Variants in SCRN1 observed in about 807,000 individuals in gnomAD.
SCRN1 encodes secernin 1.
SCRN1 carries 19 observed loss-of-function variants against 43.3 expected under a neutral mutation model. That is an observed-to-expected ratio of 0.44 (90% CI 0.31 to 0.64). The LOEUF (loss-of-function observed/expected upper bound fraction) is 0.64, where lower values mean the gene tolerates loss of function less well. SCRN1 is among the 30% of genes least tolerant of loss of function. SCRN1 has a pLI of 0.09. For synonymous variants in SCRN1, 183 were observed against 188.9 expected, an observed-to-expected ratio of 0.97 and a Z score of 0.26; for missense variants, 447 against 524.1, an observed-to-expected ratio of 0.85 and a Z score of 1.44.
intron 1 of SCRN1, among the ~76,000 whole-genome samples, chr7:29,983,077 T>A (rs1208370320): frequency 6.6e-6 from 1 of 151,988 alleles, no homozygotes; most frequent in Non-Finnish European, 1.5e-5. Flanking sequence ...GACCTCGTGA[T>A]CCGCCCACCT....
At chr7:29,943,476 A>G (rs755802618) in intron 4 of SCRN1, among the ~76,000 whole-genome samples, 1 of 152,140 alleles carries the variant, frequency 6.6e-6, no homozygotes, top group Non-Finnish European at 1.5e-5. Flanking sequence ...TTCTAGAAAC[A>G]CTGTCTCACT....
At chr7:29,974,685 C>T (rs57858543) in intron 1 of SCRN1, among the ~76,000 whole-genome samples, 19,305 of 133,718 alleles carry the variant, frequency 0.14, 1,585 homozygotes, top group African/African-American at 0.19. Flanking sequence ...TTCTTTCTTT[C>T]TTTTTTTTTT....
chr7:29,956,328 A>G (rs1337932599), intron 2 of SCRN1, among the ~76,000 whole-genome samples: 2 of 152,066 alleles, frequency 1.3e-5, no homozygotes, highest in Non-Finnish European at 2.9e-5. Context: ...TAGCTTCCCC[A>G]TGGGGGCCTC....
chr7:29,961,671 C>T (rs898110711), intron 2 of SCRN1, among the ~76,000 whole-genome samples: 7 of 151,914 alleles, frequency 4.6e-5, no homozygotes, highest in Admixed American at 2.0e-4. Flanking sequence ...CCTCACCTCC[C>T]GGACGGGGCG....
intron 3 of SCRN1, among the ~76,000 whole-genome samples, chr7:29,953,779 C>T (rs752892765): frequency 7.2e-5 from 11 of 152,072 alleles, no homozygotes; most frequent in Non-Finnish European, 1.3e-4. Context: ...AGTGAGTTCC[C>T]GAGACCACTG....
intron 3 of SCRN1, among the ~76,000 whole-genome samples, chr7:29,951,846 T>A (rs1305694192): frequency 6.6e-6 from 1 of 152,258 alleles, no homozygotes; most frequent in Non-Finnish European, 1.5e-5. Flanking sequence ...CATTCCCTTA[T>A]GTCTCTTTGA....
rs546108939 is a variant in SCRN1 at position 29,960,007 on chromosome 7, A to G, written c.160-4647T>C. Among the ~76,000 whole-genome samples, 19 of 88,960 alleles carry G rather than the reference A, an allele frequency of 2.1e-4. No homozygotes were observed. In the South Asian group the frequency reaches 3.8e-3, roughly 18 times the overall value. 58.4% of individuals were successfully genotyped at this position (88,960 alleles called of 152,430 possible). ...AAGAAAGGAAGGAAAGGAAGGAAGG[A>G]AGGGAGGGAGGGAGGGAGGGAGGGA... On this transcript the variant is annotated intron_variant, in intron 2 of 7. Transcript: ENST00000242059.
chr7:29,968,085 T>G (rs1326769942), intron 2 of SCRN1, among the ~76,000 whole-genome samples: 3 of 152,248 alleles, frequency 2.0e-5, no homozygotes, highest in Non-Finnish European at 4.4e-5. Flanking sequence ...ATAGTATTTT[T>G]AAAAGATTTG....
chr7:29,957,947 A>T (rs1257693981), intron 2 of SCRN1, among the ~76,000 whole-genome samples: 2 of 152,194 alleles, frequency 1.3e-5, no homozygotes, highest in Non-Finnish European at 2.9e-5. Flanking sequence ...AAATGTTGAC[A>T]ATTGAATCAA....
At chr7:29,952,166 G>A (rs184157180) in intron 3 of SCRN1, among the ~76,000 whole-genome samples, 107 of 152,354 alleles carry the variant, frequency 7.0e-4, no homozygotes, top group Middle Eastern at 3.4e-3. Context: ...CACCGTAACC[G>A]TGCATCAGCA....
In SCRN1 at chr7:29,927,087, T is replaced by C. The variant is rs573680469; in HGVS notation, c.906-455A>G. Among the ~76,000 whole-genome samples, 15 of 152,038 alleles carry C rather than the reference T, an allele frequency of 9.9e-5. No homozygotes were observed. In the East Asian group the frequency reaches 2.7e-3, roughly 28 times the overall value. The stretch of plus-strand genomic sequence containing the variant: ...TGTTTTTAGTTTTTTTCTGAGGTTC[T>C]ACCTTACTGAAAAATCTATGGAATA... On this transcript the variant is annotated intron_variant, in intron 6 of 7. Coordinates refer to ENST00000242059, the MANE Select transcript of SCRN1 (RefSeq NM_014766.5).
rs565837965 is a variant in SCRN1, at chr7:29,938,692, C to T, written c.740-1971G>A. Among the ~76,000 whole-genome samples the T allele has an allele frequency of 5.3e-5, 8 of 152,358 alleles. No homozygotes were observed. In the East Asian group the frequency reaches 1.3e-3, roughly 26 times the overall value. ...AGCCAGACCCATCCCTTTATTTCGG[C>T]CCATCCCTTTGTTTCCCATAAGGAA... On this transcript the variant is annotated intron_variant, in intron 5 of 7. Transcript: ENST00000242059.
At chr7:29,972,501 G>T (rs1333417646) in intron 1 of SCRN1, among the ~76,000 whole-genome samples, 1 of 152,246 alleles carries the variant, frequency 6.6e-6, no homozygotes, top group African/African-American at 2.4e-5. Context: ...TGATCATGAT[G>T]AGGATATAGG....
chr7:29,958,027 G>A (rs369079725), intron 2 of SCRN1, among the ~76,000 whole-genome samples: 1 of 152,144 alleles, frequency 6.6e-6, no homozygotes, highest in Non-Finnish European at 1.5e-5. Flanking sequence ...GGCCAAACTC[G>A]GAATGGTGAG....
At chr7:29,981,919 G>A (rs977824473) in intron 1 of SCRN1, among the ~76,000 whole-genome samples, 1 of 152,184 alleles carries the variant, frequency 6.6e-6, no homozygotes, top group African/African-American at 2.4e-5. Flanking sequence ...ATTGTGGGTA[G>A]GTATGGGAGT....
intron 1 of SCRN1, among the ~76,000 whole-genome samples, chr7:29,973,722 GA>G (rs1218382846): frequency 9.8e-5 from 15 of 152,316 alleles, no homozygotes; most frequent in Admixed American, 9.8e-4. Flanking sequence ...TGATAGGAAG[GA>G]AACCACAAAG....
chr7:29,939,585 T>G (rs1161652961), intron 5 of SCRN1, among the ~76,000 whole-genome samples: 2 of 152,218 alleles, frequency 1.3e-5, no homozygotes, highest in Non-Finnish European at 2.9e-5. Context: ...AACTCTGCCA[T>G]TATAGTGAGA....
At chr7:29,988,559 A>AT (rs1256999055) in intron 1 of SCRN1, 1 of 152,246 alleles carries the variant, frequency 6.6e-6, no homozygotes, top group Non-Finnish European at 1.5e-5. Context: ...CGCCTGGCCT[A>AT]TTTTTCATGC....
chr7:29,938,115 G>T (rs181536349), intron 5 of SCRN1, among the ~76,000 whole-genome samples: 2 of 151,744 alleles, frequency 1.3e-5, no homozygotes, highest in African/African-American at 4.8e-5. Flanking sequence ...TGCATCCTCC[G>T]CCTCCCAGAT....
Sources: allele counts gnomAD v4.1 joint callset (sites outside exome capture counted in the v4.1 genomes callset), GRCh38; gene constraint gnomAD v4.1.1; transcripts MANE v1.5; gene names NCBI Gene and HGNC (gene_info 2026-07-23, HGNC 2026-07-21).